PKP4: variants seen among roughly 807,000 people sequenced by gnomAD.
The protein encoded by PKP4 is plakophilin-4.
A neutral mutation model predicts 145.1 loss-of-function variants in PKP4; 90 were observed. The observed-to-expected ratio is 0.62, with a 90% CI of 0.52 to 0.74. PKP4 has a LOEUF of 0.74. Ranked by LOEUF, PKP4 falls within the 30% of genes least tolerant of loss-of-function variation. PKP4 has a pLI of 0.00. For synonymous variants in PKP4, 563 were observed against 577.2 expected, an observed-to-expected ratio of 0.98 and a Z score of 0.35; for missense variants, 1,340 against 1,482.7, an observed-to-expected ratio of 0.90 and a Z score of 1.58.
At chr2:158,563,228 G>A (rs1002120905) in intron 2 of PKP4, among the ~76,000 whole-genome samples, 5 of 152,006 alleles carry the variant, frequency 3.3e-5, no homozygotes, top group Non-Finnish European at 5.9e-5. Context: ...TTTTACGTAA[G>A]CAAACAACTC....
chr2:158,547,934 G>C (rs1432553754), intron 2 of PKP4, among the ~76,000 whole-genome samples: 1 of 152,222 alleles, frequency 6.6e-6, no homozygotes, highest in Non-Finnish European at 1.5e-5. Flanking sequence ...CTCAAGACCG[G>C]AGTTCAAGTC....
chr2:158,489,782 G>A (rs886903332), intron 1 of PKP4, among the ~76,000 whole-genome samples: 3 of 152,164 alleles, frequency 2.0e-5, no homozygotes, highest in African/African-American at 4.8e-5. Context: ...TGTTAAGCAA[G>A]ACAAAAGTAT....
chr2:158,643,712 C>CAA (rs762303684), intron 11 of PKP4, among the ~76,000 whole-genome samples: 12 of 69,764 alleles, frequency 1.7e-4, no homozygotes, highest in Non-Finnish European at 2.7e-4. Context: ...GGCCCTGTTT[C>CAA]AAAAAAAAAA....
chr2:158,515,403 T>A (rs1217428638), intron 1 of PKP4, among the ~76,000 whole-genome samples: 1 of 152,098 alleles, frequency 6.6e-6, no homozygotes, highest in Non-Finnish European at 1.5e-5. Context: ...CAAAAATTAT[T>A]TGAGCCCAGG....
intron 2 of PKP4, among the ~76,000 whole-genome samples, chr2:158,574,563 G>C (rs1227058620): frequency 6.6e-6 from 1 of 152,142 alleles, no homozygotes; most frequent in Non-Finnish European, 1.5e-5. Context: ...ATACATCTTG[G>C]TGCCATTCAC....
rs569768893 is a variant in PKP4, at chr2:158,593,434, A to G, written c.246-9636A>G. ...CATAAACAGAAGTCATGTTTCCTGT[A>G]TAATTTATAGGGATACCAGAGGGAA... On this transcript the variant is annotated intron_variant, in intron 3 of 21. Transcript: ENST00000389759. 4.6e-5 allele frequency among the ~76,000 whole-genome samples: 7 copies of G among 152,278 alleles called. 1 individual carries two copies. In the South Asian group the frequency reaches 1.5e-3, roughly 32 times the overall value.
intron 11 of PKP4, among the ~76,000 whole-genome samples, chr2:158,643,361 C>T (rs934476373): frequency 1.3e-5 from 2 of 152,016 alleles, no homozygotes; most frequent in Admixed American, 6.6e-5. Context: ...TTACAAGCTC[C>T]GAAACAGCAT....
At chr2:158,509,421 A>G (rs1261984129) in intron 1 of PKP4, among the ~76,000 whole-genome samples, 1 of 152,230 alleles carries the variant, frequency 6.6e-6, no homozygotes, top group Non-Finnish European at 1.5e-5. Flanking sequence ...AACAATAAAA[A>G]CAGTCTGTGA....
chr2:158,495,165 C>A (rs1695500163), intron 1 of PKP4, among the ~76,000 whole-genome samples: 1 of 151,798 alleles, frequency 6.6e-6, no homozygotes, highest in African/African-American at 2.4e-5. Flanking sequence ...TTGCAGTGAG[C>A]CGAGATTGCA....
chr2:158,580,799 G>A (rs1246742069), intron 3 of PKP4, among the ~76,000 whole-genome samples: 1 of 152,134 alleles, frequency 6.6e-6, no homozygotes, highest in Non-Finnish European at 1.5e-5. Flanking sequence ...GAATTCCCAT[G>A]TATTCTTGAT....
At chr2:158,532,723 A>AC (rs1470473490) in intron 1 of PKP4, among the ~76,000 whole-genome samples, 1 of 152,246 alleles carries the variant, frequency 6.6e-6, no homozygotes, top group Non-Finnish European at 1.5e-5. Flanking sequence ...GAATAATCAG[A>AC]TTCTTCTAAA....
chr2:158,622,986 A>G (rs2052399894), intron 6 of PKP4, among the ~76,000 whole-genome samples: 2 of 152,090 alleles, frequency 1.3e-5, no homozygotes, highest in Admixed American at 1.3e-4. Flanking sequence ...GAGTAAGTTG[A>G]TTTTCTCACT....
chr2:158,531,304 T>C (rs2043522786), intron 1 of PKP4, among the ~76,000 whole-genome samples: 1 of 152,186 alleles, frequency 6.6e-6, no homozygotes, highest in African/African-American at 2.4e-5. Flanking sequence ...TTCTTACACA[T>C]TGGTTGTTTC....
rs1343670317 is a variant in PKP4 at position 158,525,562 on chromosome 2, CAATT to C, written c.-5-7615_-5-7612del. On this transcript the variant is annotated intron_variant, in intron 1 of 21. Transcript: ENST00000389759. ...ATCCAAAATTGACACCCTAACATCA[CAATT>C]AAAAGAACTAGAAAAGCAAGAGCAA... Among the ~76,000 whole-genome samples, 2 of 56,308 alleles carry C rather than the reference CAATT, an allele frequency of 3.6e-5. 1 individual carries two copies. Among genetic ancestry groups the C allele is most frequent in the Middle Eastern group, 0.013 (2 of 160 alleles). 36.9% of individuals were successfully genotyped at this position (56,308 alleles called of 152,430 possible). A position where few individuals can be genotyped will look rare whatever the true frequency, so the allele number is the denominator to read the frequency against.
At chr2:158,463,412 GAA>G (rs137946075) in intron 1 of PKP4, among the ~76,000 whole-genome samples, 48 of 113,386 alleles carry the variant, frequency 4.2e-4, no homozygotes, top group Non-Finnish European at 5.9e-4. Context: ...GATCACAGTT[GAA>G]AAAAAAAAAA....
chr2:158,520,247 G>A (rs978495559), intron 1 of PKP4, among the ~76,000 whole-genome samples: 4 of 152,162 alleles, frequency 2.6e-5, no homozygotes, highest in African/African-American at 9.7e-5. Context: ...CAACAGTGTT[G>A]ACTCTGGTGT....
chr2:158,505,787 T>G (rs2040920661), intron 1 of PKP4, among the ~76,000 whole-genome samples: 1 of 151,986 alleles, frequency 6.6e-6, no homozygotes, highest in Non-Finnish European at 1.5e-5. Context: ...TGCCAGGGCC[T>G]GGAACTGCAA....
intron 9 of PKP4, among the ~76,000 whole-genome samples, chr2:158,636,854 T>C (rs1356778902): frequency 1.3e-5 from 2 of 152,198 alleles, no homozygotes; most frequent in African/African-American, 4.8e-5. Context: ...ATATATTCCA[T>C]GTTCCTATGA....
At chr2:158,666,696 T>C in intron 16 of PKP4, 133 bp downstream of exon 16, 2 of 683,146 alleles carry the variant, frequency 2.9e-6, no homozygotes, top group Non-Finnish European at 4.5e-6. Flanking sequence ...TTTCTTGGCA[T>C]ATTTGAGTAC....
Sources: gnomAD v4.1 joint callset for allele counts (sites outside exome capture counted in the v4.1 genomes callset) on GRCh38, gnomAD v4.1.1 for gene constraint, MANE v1.5 for transcripts, NCBI Gene and HGNC (gene_info 2026-07-23, HGNC 2026-07-21) for gene names.